The following RNF220 variants were observed in gnomAD, a reference collection of about 807,000 sequenced individuals.
RNF220 encodes the protein E3 ubiquitin-protein ligase RNF220.
A neutral mutation model predicts 67.1 loss-of-function variants in RNF220; 7 were observed. The ratio of observed to expected loss-of-function variants is 0.10; its 90% CI spans 0.06 to 0.20. RNF220 has a LOEUF of 0.20. Among genes scored for constraint, RNF220 ranks in the 10% least tolerant of loss-of-function variants. RNF220 has a pLI of 1.00. For missense variants in RNF220, 565 were observed against 740.3 expected (o/e 0.76, Z 2.75); for synonymous variants, 270 against 283.2 (o/e 0.95, Z 0.47).
At chr1:44,487,177 A>C (rs1036750403) in intron 2 of RNF220, among the ~76,000 whole-genome samples, 12 of 149,824 alleles carry the variant, frequency 8.0e-5, no homozygotes, top group African/African-American at 3.0e-4. Flanking sequence ...TCTACCAAAA[A>C]TAGAAAAATT....
chr1:44,500,323 CTT>C (rs952680983), intron 2 of RNF220, among the ~76,000 whole-genome samples: 1 of 152,198 alleles, frequency 6.6e-6, no homozygotes, highest in African/African-American at 2.4e-5. Flanking sequence ...CTGGAAGTCT[CTT>C]TTCTCAGACG....
chr1:44,465,196 T>TA (rs1033516392), intron 2 of RNF220, among the ~76,000 whole-genome samples: 92 of 152,144 alleles, frequency 6.0e-4, no homozygotes, highest in African/African-American at 2.2e-3. Flanking sequence ...GTGTTGCTGA[T>TA]AAAAATAAGG....
At position 44,467,603 on chromosome 1, in the gene RNF220, T is replaced by A. The variant is rs148937174; in HGVS notation, c.625+54881T>A. Among the ~76,000 whole-genome samples, 12 of 152,374 alleles carry A rather than the reference T, an allele frequency of 7.9e-5. No individual in the cohort carries two copies. In the East Asian group the frequency reaches 2.3e-3, roughly 29 times the overall value. Reference sequence around the variant, plus strand: ...CCTTGGTCTGGATTAGGCTTTGGCTTCAGGGAATGTTGTGGCTGGTTTGAT... The same window carrying A: ...CCTTGGTCTGGATTAGGCTTTGGCTACAGGGAATGTTGTGGCTGGTTTGAT... On this transcript the variant is annotated intron_variant, in intron 2 of 14. Coordinates refer to ENST00000361799, the MANE Select transcript of RNF220 (RefSeq NM_018150.4).
intron 2 of RNF220, among the ~76,000 whole-genome samples, chr1:44,584,281 C>T (rs578134462): frequency 3.3e-4 from 50 of 152,332 alleles, no homozygotes; most frequent in African/African-American, 1.1e-3. Flanking sequence ...ACGTCTTCAC[C>T]CCTCCTTCAT....
chr1:44,550,526 G>A (rs920893330), intron 2 of RNF220, among the ~76,000 whole-genome samples: 1 of 152,198 alleles, frequency 6.6e-6, no homozygotes, highest in Non-Finnish European at 1.5e-5. Context: ...ACAGTGATGG[G>A]CTGATAGGAG....
At chr1:44,409,304 C>G (rs1647733740) in intron 1 of RNF220, among the ~76,000 whole-genome samples, 1 of 152,210 alleles carries the variant, frequency 6.6e-6, no homozygotes. Context: ...CACTGCCTGC[C>G]AGACAATTTA....
intron 2 of RNF220, among the ~76,000 whole-genome samples, chr1:44,507,975 G>A (rs995790882): frequency 1.3e-5 from 2 of 152,118 alleles, no homozygotes; most frequent in Non-Finnish European, 1.5e-5. Context: ...AGATGGGCTC[G>A]GGACAGACAG....
chr1:44,491,820 C>T (rs11211009), intron 2 of RNF220, among the ~76,000 whole-genome samples: 121,809 of 152,060 alleles, frequency 0.8, 51,452 homozygotes, highest in Non-Finnish European at 0.92. Flanking sequence ...CACACCACCA[C>T]GCCCGGCTAA....
At chr1:44,551,722 T>C (rs1272910298) in intron 2 of RNF220, among the ~76,000 whole-genome samples, 1 of 152,170 alleles carries the variant, frequency 6.6e-6, no homozygotes, top group African/African-American at 2.4e-5. Flanking sequence ...CAACCTCCCA[T>C]TGGTCTCCCC....
intron 2 of RNF220, among the ~76,000 whole-genome samples, chr1:44,573,776 A>G (rs1038742415): frequency 1.3e-5 from 2 of 152,218 alleles, no homozygotes; most frequent in Non-Finnish European, 2.9e-5. Flanking sequence ...CCTCTCTGGA[A>G]TCATCCCTAT....
At chr1:44,422,223 C>G (rs910417590) in intron 2 of RNF220, among the ~76,000 whole-genome samples, 1 of 152,086 alleles carries the variant, frequency 6.6e-6, no homozygotes, top group Non-Finnish European at 1.5e-5. Flanking sequence ...AGAAAAGGAG[C>G]GGAGTCTGAG....
intron 6 of RNF220, chr1:44,632,715 T>C (rs1644200270): frequency 2.1e-6 from 1 of 468,444 alleles, no homozygotes; most frequent in Non-Finnish European, 3.9e-6. Flanking sequence ...GGGACCTCAC[T>C]ATACAAACCT....
chr1:44,464,974 A>G (rs76840047), intron 2 of RNF220, among the ~76,000 whole-genome samples: 93 of 152,284 alleles, frequency 6.1e-4, no homozygotes, highest in Non-Finnish European at 1.1e-3. Context: ...TGGCTCCTTC[A>G]TTATACTGAG....
intron 2 of RNF220, among the ~76,000 whole-genome samples, chr1:44,414,682 A>G (rs565885435): frequency 3.3e-5 from 5 of 152,170 alleles, no homozygotes; most frequent in Admixed American, 2.6e-4. Flanking sequence ...TCTGTCTCCC[A>G]AAGTGAAATG....
At chr1:44,611,031 T>C (rs1171725215) in intron 2 of RNF220, among the ~76,000 whole-genome samples, 1 of 152,192 alleles carries the variant, frequency 6.6e-6, no homozygotes, top group Admixed American at 6.5e-5. Flanking sequence ...TCATTAAACC[T>C]GGGCAGGCCA....
Position 44,649,711 on chromosome 1 carries a change from T to C in RNF220, c.1496T>C (p.Val499Ala). The C allele has an allele frequency of 1.2e-6, 2 of 1,613,980 alleles. No individual in the cohort carries two copies. Among genetic ancestry groups the C allele is most frequent in the African/African-American group, 2.7e-5 (2 of 74,954 alleles). ...VTTFEALKAR[V>A]RELERQLSRG... ...ACGTTTGAGGCTCTGAAGGCTCGGG[T>C]CAGAGAACTTGAACGGCAGCTATCT... is the stretch of plus-strand genomic sequence containing the variant. The change falls in exon 13 of 15, where the codon GTC (valine) becomes GCC (alanine). Residue 499 changes from valine to alanine, a missense_variant. Physicochemically the swap from Val to Ala is moderately conservative, Grantham distance 64 (BLOSUM62 0). Transcript: ENST00000361799. This position sits in a 1 kb window ranked among gnomAD's most constrained non-coding sequence, Gnocchi z 5.9.
intron 2 of RNF220, among the ~76,000 whole-genome samples, chr1:44,493,797 A>G (rs533451122): frequency 6.6e-6 from 1 of 152,078 alleles, no homozygotes; most frequent in Non-Finnish European, 1.5e-5. Context: ...CAACATAGGG[A>G]GATTCCCCCA....
intron 2 of RNF220, among the ~76,000 whole-genome samples, chr1:44,458,698 T>A (rs1653452312): frequency 6.6e-6 from 1 of 152,234 alleles, no homozygotes; most frequent in African/African-American, 2.4e-5. Flanking sequence ...TTTCGCACGA[T>A]TGGTTTACAT....
intron 2 of RNF220, among the ~76,000 whole-genome samples, chr1:44,416,648 G>A (rs1353923175): frequency 1.3e-5 from 2 of 152,252 alleles, no homozygotes; most frequent in East Asian, 1.9e-4. Flanking sequence ...AACTGCCCGC[G>A]TGGAGCGGCG....
Sources: allele counts gnomAD v4.1 joint callset (sites outside exome capture counted in the v4.1 genomes callset), GRCh38; gene constraint gnomAD v4.1.1; non-coding constraint Gnocchi (gnomAD v3.1); transcripts MANE v1.5; gene names NCBI Gene and HGNC (gene_info 2026-07-23, HGNC 2026-07-21).